The following TDP1 variants were observed in gnomAD, a reference collection of about 807,000 sequenced individuals.
TDP1 encodes tyr-DNA phosphodiesterase 1.
Under a neutral mutation model 81.5 loss-of-function variants are expected in TDP1, and 64 were observed. The ratio of observed to expected loss-of-function variants is 0.79; its 90% CI spans 0.64 to 0.97. The LOEUF is 0.97. TDP1 is among the 50% of genes least tolerant of loss of function. The pLI is 0.00. For synonymous variants in TDP1, 256 were observed against 264.3 expected (o/e 0.97, Z 0.30); for missense variants, 723 against 743.8 (o/e 0.97, Z 0.33).
chr14:89,993,322 G>C, intron 13 of TDP1, 54 bp from the exon 14 acceptor site: 1 of 1,451,494 alleles, frequency 6.9e-7, no homozygotes, highest in Non-Finnish European at 9.6e-7. Flanking sequence ...CTAATATTAG[G>C]ATTATGATCA....
intron 5 of TDP1, among the ~76,000 whole-genome samples, chr14:89,969,266 G>A (rs1227358397): frequency 1.3e-5 from 2 of 151,336 alleles, no homozygotes; most frequent in Non-Finnish European, 2.9e-5. Flanking sequence ...CTAAAGGGAC[G>A]AAAGTGTCCT....
At chr14:90,029,879 T>C (rs1407901562) in intron 15 of TDP1, among the ~76,000 whole-genome samples, 1 of 152,166 alleles carries the variant, frequency 6.6e-6, no homozygotes, top group Non-Finnish European at 1.5e-5. Flanking sequence ...ATAGGAGTGA[T>C]TACATCACAG....
At chr14:89,973,056 A>G (rs1013291564) in intron 6 of TDP1, among the ~76,000 whole-genome samples, 10 of 148,032 alleles carry the variant, frequency 6.8e-5, no homozygotes, top group Non-Finnish European at 1.0e-4. Flanking sequence ...CAAGAGCTCA[A>G]TCTTGTTAGT....
rs760280914 is a variant in TDP1 at position 89,989,769 on chromosome 14, A to T, written c.1366+4A>T. 8 of 1,602,782 alleles carry T rather than the reference A, an allele frequency of 5.0e-6. No individual in the cohort carries two copies. Among genetic ancestry groups the T allele is most frequent in the Middle Eastern group, 1.7e-4 (1 of 6,056 alleles). On this transcript the variant is annotated splice_donor_region_variant and intron_variant, in intron 12 of 16. Coordinates refer to ENST00000335725, the MANE Select transcript of TDP1 (RefSeq NM_018319.4). ...ACCAGTTTAGAAGGATATCCTGGTAATTCTTGGGGAGACTGTCTTGATTGT... is the reference window on the plus strand; with the variant it reads ...ACCAGTTTAGAAGGATATCCTGGTATTTCTTGGGGAGACTGTCTTGATTGT...
intron 14 of TDP1, among the ~76,000 whole-genome samples, chr14:89,999,648 A>G (rs1268654931): frequency 1.3e-5 from 2 of 152,226 alleles, no homozygotes; most frequent in Admixed American, 6.5e-5. Flanking sequence ...TATAGGCAAT[A>G]TGAATTTTGA....
intron 6 of TDP1, chr14:89,975,447 C>T (rs1250652125): frequency 1.0e-6 from 1 of 985,042 alleles, no homozygotes; most frequent in Non-Finnish European, 1.2e-6. Flanking sequence ...ATATCTAAAA[C>T]TTTGCATAGA....
At chr14:89,964,467 G>A (rs1311738395) in intron 3 of TDP1, among the ~76,000 whole-genome samples, 1 of 152,176 alleles carries the variant, frequency 6.6e-6, no homozygotes, top group Non-Finnish European at 1.5e-5. Flanking sequence ...GAAGTAACCA[G>A]TGTAATATAT....
chr14:90,034,229 T>C (rs1887600646), intron 16 of TDP1, among the ~76,000 whole-genome samples: 1 of 152,230 alleles, frequency 6.6e-6, no homozygotes, highest in Non-Finnish European at 1.5e-5. Flanking sequence ...TCACATCGCA[T>C]AGCCTCTGTA....
chr14:89,961,662 C>T (rs1343950015), intron 2 of TDP1, among the ~76,000 whole-genome samples: 1 of 152,132 alleles, frequency 6.6e-6, no homozygotes, highest in Non-Finnish European at 1.5e-5. Flanking sequence ...GCCCGGAACT[C>T]AGTTTTTAAG....
intron 14 of TDP1, among the ~76,000 whole-genome samples, chr14:90,017,559 T>G (rs1189916710): frequency 6.6e-6 from 1 of 152,174 alleles, no homozygotes; most frequent in Non-Finnish European, 1.5e-5. Flanking sequence ...AATCTTGGAA[T>G]GCTAAGAAAA....
intron 14 of TDP1, among the ~76,000 whole-genome samples, chr14:90,000,637 G>A (rs1684629876): frequency 6.6e-6 from 1 of 152,048 alleles, no homozygotes; most frequent in African/African-American, 2.4e-5. Context: ...CGCCCACCTC[G>A]GCCCCCCAAA....
chr14:90,019,306 G>A lies in TDP1; in HGVS notation c.1542-10G>A, dbSNP rs372974365. ...CTGAGTCAGCCCTATCTGTGTCCTTGTCTCTGCAGCGCAAATCTGTCCAAG... is the reference window on the plus strand; with the variant it reads ...CTGAGTCAGCCCTATCTGTGTCCTTATCTCTGCAGCGCAAATCTGTCCAAG... On this transcript the variant is annotated splice_polypyrimidine_tract_variant and intron_variant, in intron 14 of 16. Coordinates refer to ENST00000335725, the MANE Select transcript of TDP1 (RefSeq NM_018319.4). 16 of 1,581,296 alleles carry A rather than the reference G, an allele frequency of 1.0e-5. No homozygotes were observed. In the African/African-American group the frequency reaches 1.2e-4, roughly 12 times the overall value.
chr14:89,999,081 AC>A (rs1439639709), intron 14 of TDP1, among the ~76,000 whole-genome samples: 1 of 152,190 alleles, frequency 6.6e-6, no homozygotes. Flanking sequence ...GTGTCTCTCA[AC>A]AGGGCACTAT....
chr14:89,985,090 A>G, intron 9 of TDP1, 42 bp from the exon 10 acceptor site: 1 of 1,499,720 alleles, frequency 6.7e-7, no homozygotes, highest in East Asian at 2.3e-5. Context: ...TGCCCAAAGC[A>G]CATCACTATA....
chr14:89,966,901 TGGTCCCA>T, intron 4 of TDP1: 2 of 740,554 alleles, frequency 2.7e-6, no homozygotes, highest in Non-Finnish European at 3.3e-6. Context: ...AGTGAATGTC[TGGTCCCA>T]GGTGGCTGTG....
At chr14:90,032,551 C>T (rs1013860937) in intron 15 of TDP1, among the ~76,000 whole-genome samples, 3 of 152,138 alleles carry the variant, frequency 2.0e-5, no homozygotes, top group Admixed American at 6.5e-5. Flanking sequence ...CCTCCACTTC[C>T]ACCCTGATTA....
chr14:89,956,329 C>G (rs555933297), intron 1 of TDP1: 1 of 152,434 alleles, frequency 6.6e-6, no homozygotes, highest in South Asian at 2.1e-4. Context: ...GTGCCAGGCG[C>G]TTAAGCTTTC....
chr14:89,964,483 T>C (rs1892702627), intron 3 of TDP1, among the ~76,000 whole-genome samples: 2 of 152,232 alleles, frequency 1.3e-5, no homozygotes, highest in African/African-American at 4.8e-5. Context: ...TATATTCACA[T>C]GGCAGATACA....
At chr14:90,035,733 CTTT>C (rs543354253) in intron 16 of TDP1, among the ~76,000 whole-genome samples, 22 of 138,950 alleles carry the variant, frequency 1.6e-4, no homozygotes, top group Admixed American at 2.2e-4. Flanking sequence ...CCTTTTCTTC[CTTT>C]TTTTTTTTTT....
Sources: allele counts gnomAD v4.1 joint callset (sites outside exome capture counted in the v4.1 genomes callset), GRCh38; gene constraint gnomAD v4.1.1; transcripts MANE v1.5; gene names NCBI Gene and HGNC (gene_info 2026-07-23, HGNC 2026-07-21).